Variants in SLAMF9 observed in about 807,000 individuals in gnomAD.
The protein encoded by SLAMF9 is SLAM family member 9, also known as CD2 family member 10.
SLAMF9 carries 25 observed loss-of-function variants against 30.4 expected under a neutral mutation model. The observed-to-expected ratio is 0.82, with a 90% CI of 0.60 to 1.15. The LOEUF (loss-of-function observed/expected upper bound fraction) is 1.15, where lower values mean the gene tolerates loss of function less well. SLAMF9 is among the 50% of genes most tolerant of loss of function. The probability of loss-of-function intolerance (pLI) is 0.00; values close to 1 mark genes in which losing one functional copy is unlikely to be tolerated. For missense variants in SLAMF9, 344 were observed against 346.1 expected, an observed-to-expected ratio of 0.99 and a Z score of 0.05; for synonymous variants, 129 against 127.2, an observed-to-expected ratio of 1.01 and a Z score of -0.09.
chr1:159,961,008 G>C, the SLAMF9 span, among the ~76,000 whole-genome samples: 3 of 152,052 alleles, frequency 2.0e-5, no homozygotes, highest in African/African-American at 7.2e-5. Flanking sequence ...TCCCTTCCTT[G>C]TCTCATTTTC....
chr1:159,961,435 G>A, the SLAMF9 span: 2 of 152,178 alleles, frequency 1.3e-5, no homozygotes, highest in East Asian at 1.9e-4. Context: ...CCTCCCTCCC[G>A]AGGCAATGTG....
chr1:159,957,121 C>CAAAA (rs55697835), upstream of SLAMF9, among the ~76,000 whole-genome samples: 8 of 73,134 alleles, frequency 1.1e-4, no homozygotes, highest in African/African-American at 4.4e-4. Context: ...GACTCTGTCT[C>CAAAA]AAAAAAAAAA....
At chr1:159,956,944 C>A (rs551459853), upstream of SLAMF9, among the ~76,000 whole-genome samples, 22 of 151,242 alleles carry the variant, frequency 1.5e-4, no homozygotes, top group East Asian at 4.1e-3. Context: ...AGGGTGAAAC[C>A]CCATCTCTAC....
At chr1:159,977,516 G>T in the SLAMF9 span, among the ~76,000 whole-genome samples, 1 of 152,236 alleles carries the variant, frequency 6.6e-6, no homozygotes, top group Non-Finnish European at 1.5e-5. Context: ...TCCCTGCAGG[G>T]TTAGCTCCCT....
chr1:159,953,371 G>C lies in SLAMF9; in HGVS notation c.329C>G (p.Ala110Gly), dbSNP rs764243157. 10 of 1,613,880 alleles carry C rather than the reference G, an allele frequency of 6.2e-6. No homozygotes were observed. Among genetic ancestry groups the C allele is most frequent in the Middle Eastern group, 1.7e-4 (1 of 6,058 alleles). Reference protein sequence around the residue: ...LSWEDSGLYQAQVNLRTSQIS... With the variant: ...LSWEDSGLYQGQVNLRTSQIS... ...CTGGGATGTTCTCAGGTTGACTTGAGCTTGGTAAAGCCCTGAATCCTCCCA... is the reference window on the plus strand; with the variant it reads ...CTGGGATGTTCTCAGGTTGACTTGACCTTGGTAAAGCCCTGAATCCTCCCA... Residue 110 changes from alanine (A) to glycine (G), a missense_variant, in exon 2 of 4, where the codon GCT becomes GGT. By Grantham distance (60) the Ala-to-Gly change is moderately conservative. Transcript: ENST00000368093.
chr1:159,964,683 C>T, the SLAMF9 span, among the ~76,000 whole-genome samples: 28 of 152,192 alleles, frequency 1.8e-4, no homozygotes, highest in Non-Finnish European at 1.5e-5. Context: ...AACGGCAAAC[C>T]TGGGGCCAAA....
At chr1:159,983,351 G>A in the SLAMF9 span, 1 of 152,166 alleles carries the variant, frequency 6.6e-6, no homozygotes, top group Non-Finnish European at 1.5e-5. Flanking sequence ...GAGTGGACCT[G>A]GACTGGAGTC....
the SLAMF9 span, chr1:159,973,047 T>C: frequency 7.0e-7 from 1 of 1,432,850 alleles, no homozygotes; most frequent in African/African-American, 1.5e-5. Flanking sequence ...CTGGCCACCC[T>C]CGGGGGCCGC....
intron 2 of SLAMF9, among the ~76,000 whole-genome samples, chr1:159,953,052 G>A (rs185165469): frequency 5.9e-5 from 9 of 152,296 alleles, no homozygotes; most frequent in Admixed American, 4.6e-4. Context: ...GCCCCCTACA[G>A]GATCTGTACA....
chr1:159,953,279 C>T, intron 2 of SLAMF9, 30 bp downstream of exon 2: 1 of 1,565,186 alleles, frequency 6.4e-7, no homozygotes, highest in Non-Finnish European at 8.7e-7. Flanking sequence ...GCCCCCAAAA[C>T]CAGCTTTATG....
chr1:159,957,161 A>C (rs1651940896), upstream of SLAMF9, among the ~76,000 whole-genome samples: 1 of 143,890 alleles, frequency 6.9e-6, no homozygotes, highest in East Asian at 2.0e-4. Context: ...AAAAGATTGA[A>C]CTACAAGTAG....
At chr1:159,976,155 A>G in the SLAMF9 span, among the ~76,000 whole-genome samples, 1 of 151,966 alleles carries the variant, frequency 6.6e-6, no homozygotes, top group Non-Finnish European at 1.5e-5. Context: ...TTTTATATAT[A>G]AAGAATATCT....
the SLAMF9 span, chr1:159,973,367 C>G: frequency 1.8e-6 from 1 of 546,822 alleles, no homozygotes; most frequent in Non-Finnish European, 3.2e-6. Flanking sequence ...CTACTCAGTC[C>G]AGGCTGCAGC....
the SLAMF9 span, among the ~76,000 whole-genome samples, chr1:159,973,619 C>T: frequency 3.2e-4 from 49 of 152,174 alleles, no homozygotes; most frequent in Non-Finnish European, 5.6e-4. Flanking sequence ...CATGTGTCCC[C>T]CATGGTGGGG....
chr1:159,958,790 G>T (rs1651982415), upstream of SLAMF9, among the ~76,000 whole-genome samples: 2 of 151,982 alleles, frequency 1.3e-5, no homozygotes, highest in South Asian at 4.2e-4. Context: ...TCTTGCTAAT[G>T]GATTGTGATT....
chr1:159,971,121 T>C, the SLAMF9 span, among the ~76,000 whole-genome samples: 51 of 152,354 alleles, frequency 3.3e-4, no homozygotes, highest in East Asian at 9.6e-3. Flanking sequence ...AAGGTCAGGC[T>C]GACACCTTTG....
the SLAMF9 span, among the ~76,000 whole-genome samples, chr1:159,981,743 A>G: frequency 6.9e-4 from 105 of 152,348 alleles, no homozygotes; most frequent in African/African-American, 2.4e-3. Context: ...ACACTGCCCC[A>G]TGCTGCTCCC....
At chr1:159,972,300 G>T in the SLAMF9 span, among the ~76,000 whole-genome samples, 1 of 152,248 alleles carries the variant, frequency 6.6e-6, no homozygotes, top group South Asian at 2.1e-4. Context: ...GCAGCTCAGT[G>T]TTGGTGAGAC....
At chr1:159,967,594 T>C in the SLAMF9 span, among the ~76,000 whole-genome samples, 1 of 152,210 alleles carries the variant, frequency 6.6e-6, no homozygotes, top group Non-Finnish European at 1.5e-5. Context: ...TGGTCTTTTG[T>C]TGTTCCCTAC....
Sources: gnomAD v4.1 joint callset for allele counts (sites outside exome capture counted in the v4.1 genomes callset) on GRCh38, gnomAD v4.1.1 for gene constraint, MANE v1.5 for transcripts, NCBI Gene and HGNC (gene_info 2026-07-23, HGNC 2026-07-21) for gene names.